TANC2: variants seen among roughly 807,000 people sequenced by gnomAD.
TANC2 encodes protein TANC2.
In TANC2, 26 loss-of-function variants were observed where a neutral mutation model predicts 210.5. The observed-to-expected ratio is 0.12, with a 90% confidence interval of 0.09 to 0.17. The LOEUF is 0.17. TANC2 is among the 10% of genes least tolerant of loss of function. TANC2 has a pLI of 1.00. For synonymous variants in TANC2, 931 were observed against 967.1 expected, an observed-to-expected ratio of 0.96 and a Z score of 0.69; for missense variants, 2,129 against 2,608.9, an observed-to-expected ratio of 0.82 and a Z score of 4.01.
intron 26 of TANC2, among the ~76,000 whole-genome samples, chr17:63,417,756 G>C (rs2048908575): frequency 1.3e-5 from 2 of 152,060 alleles, no homozygotes; most frequent in African/African-American, 4.8e-5. Context: ...TTATGAAGCT[G>C]GTCAGAGAAT....
At chr17:63,225,641 A>G (rs2042308044) in intron 7 of TANC2, among the ~76,000 whole-genome samples, 1 of 152,202 alleles carries the variant, frequency 6.6e-6, no homozygotes, top group African/African-American at 2.4e-5. Flanking sequence ...CATTTGCCCC[A>G]GCCAGAAACC....
chr17:63,362,077 T>G (rs996680091), intron 14 of TANC2, among the ~76,000 whole-genome samples: 2 of 152,256 alleles, frequency 1.3e-5, no homozygotes, highest in African/African-American at 4.8e-5. Flanking sequence ...AGTGGATAGC[T>G]CCTATGTACA....
intron 11 of TANC2, among the ~76,000 whole-genome samples, chr17:63,335,194 CA>C (rs1221263976): frequency 6.6e-6 from 1 of 152,164 alleles, no homozygotes; most frequent in Non-Finnish European, 1.5e-5. Flanking sequence ...ATATGATCCA[CA>C]AAGAGGGATA....
intron 1 of TANC2, among the ~76,000 whole-genome samples, chr17:62,999,467 T>C (rs1307100000): frequency 1.3e-5 from 2 of 152,216 alleles, no homozygotes; most frequent in African/African-American, 4.8e-5. Flanking sequence ...CATTACATAA[T>C]GGCAAAGGAT....
chr17:63,073,822 C>A, intron 2 of TANC2, 121 bp from the exon 3 acceptor site: 2 of 902,990 alleles, frequency 2.2e-6, no homozygotes, highest in Non-Finnish European at 3.2e-6. Context: ...TTTTAATGAT[C>A]CGGATTATAG....
At chr17:63,207,211 C>CTTTTTTTT (rs948663767) in intron 7 of TANC2, among the ~76,000 whole-genome samples, 1 of 113,796 alleles carries the variant, frequency 8.8e-6, no homozygotes, top group Non-Finnish European at 1.8e-5. Flanking sequence ...TTTTTTTTTC[C>CTTTTTTTT]TTTTTTTTTT....
intron 1 of TANC2, among the ~76,000 whole-genome samples, chr17:62,993,773 A>G (rs1453003840): frequency 1.3e-5 from 2 of 152,142 alleles, no homozygotes; most frequent in Non-Finnish European, 2.9e-5. Flanking sequence ...CAAAAGAAAA[A>G]TAAAAAAAAA....
chr17:63,086,660 T>A (rs1193972666), intron 3 of TANC2, among the ~76,000 whole-genome samples: 1 of 152,228 alleles, frequency 6.6e-6, no homozygotes, highest in African/African-American at 2.4e-5. Context: ...AACCAGTTTA[T>A]AGCAGGGTGT....
At chr17:63,167,564 TATTA>T (rs1427126412) in intron 5 of TANC2, among the ~76,000 whole-genome samples, 1 of 152,152 alleles carries the variant, frequency 6.6e-6, no homozygotes, top group Non-Finnish European at 1.5e-5. Flanking sequence ...TGATGAAATG[TATTA>T]ATTAACTCTA....
intron 5 of TANC2, among the ~76,000 whole-genome samples, chr17:63,158,073 T>A (rs914535848): frequency 6.6e-6 from 1 of 152,092 alleles, no homozygotes. Flanking sequence ...AAATACTAAG[T>A]TGTGTTGTGT....
intron 9 of TANC2, among the ~76,000 whole-genome samples, chr17:63,272,755 G>A (rs1260838339): frequency 1.3e-5 from 2 of 152,068 alleles, no homozygotes; most frequent in African/African-American, 2.4e-5. Flanking sequence ...CCTAGAGATG[G>A]TAGTTAATGC....
At chr17:63,347,085 G>A (rs2046438384) in intron 12 of TANC2, among the ~76,000 whole-genome samples, 1 of 152,140 alleles carries the variant, frequency 6.6e-6, no homozygotes, top group South Asian at 2.1e-4. Context: ...CAAGAGAAAT[G>A]AAAACATATG....
chr17:63,307,829 G>A (rs1422991119), intron 9 of TANC2, among the ~76,000 whole-genome samples: 1 of 152,086 alleles, frequency 6.6e-6, no homozygotes, highest in Non-Finnish European at 1.5e-5. Context: ...GCAGTGGCGC[G>A]ATCTCAGCTC....
intron 17 of TANC2, chr17:63,390,446 A>G (rs2047930615): frequency 1.3e-5 from 2 of 152,148 alleles, no homozygotes; most frequent in African/African-American, 4.8e-5. Flanking sequence ...CATCCCATTC[A>G]TTTGAATGGA....
intron 11 of TANC2, among the ~76,000 whole-genome samples, chr17:63,331,015 G>T (rs1340861519): frequency 1.3e-5 from 2 of 152,178 alleles, no homozygotes; most frequent in South Asian, 4.1e-4. Context: ...GGCAGAGGTT[G>T]CAGTGAGCCG....
intron 9 of TANC2, among the ~76,000 whole-genome samples, chr17:63,312,970 G>A (rs2045179727): frequency 6.6e-6 from 1 of 152,100 alleles, no homozygotes; most frequent in Non-Finnish European, 1.5e-5. Flanking sequence ...GTGGCTTTCA[G>A]GCAGTTTTAA....
intron 9 of TANC2, among the ~76,000 whole-genome samples, chr17:63,305,812 G>A (rs1179175957): frequency 1.3e-5 from 2 of 152,198 alleles, no homozygotes; most frequent in Non-Finnish European, 1.5e-5. Context: ...AAGAAGAGGG[G>A]CATTTCAGGT....
chr17:63,332,153 C>A (rs968364356), intron 11 of TANC2: 2 of 347,794 alleles, frequency 5.8e-6, no homozygotes, highest in South Asian at 5.1e-5. Flanking sequence ...TCTTTAAGAT[C>A]AACTTCAAAA....
rs374716902 is a variant in TANC2, at chr17:63,420,388, G to T, written c.4658G>T (p.Arg1553Leu). 1 of 1,613,802 alleles carries T rather than the reference G, an allele frequency of 6.2e-7. No homozygotes were observed. The stretch of plus-strand genomic sequence containing the variant: ...GGCTCTCATCAGGTTTTTGACTTCC[G>T]GTCCAGTAGTTCTGTAGGCTCTCCC... The change falls in exon 28 of 28, where the codon CGG (arginine) becomes CTG (leucine). Residue 1553 changes from arginine to leucine, a missense_variant. Physicochemically the swap from Arg to Leu is moderately radical, Grantham distance 102. Transcript: ENST00000689528. This position sits in a 1 kb window ranked among gnomAD's most constrained non-coding sequence, Gnocchi z 4.2.
Sources: gnomAD v4.1 joint callset for allele counts (sites outside exome capture counted in the v4.1 genomes callset) on GRCh38, gnomAD v4.1.1 for gene constraint, Gnocchi (gnomAD v3.1) non-coding constraint, MANE v1.5 for transcripts, NCBI Gene and HGNC (gene_info 2026-07-23, HGNC 2026-07-21) for gene names.